The following FBXO32 variants were observed in gnomAD, a reference collection of about 807,000 sequenced individuals.
The protein encoded by FBXO32 is F-box protein 32, also known as F-box only protein 32.
FBXO32 carries 15 observed loss-of-function variants against 48.3 expected under a neutral mutation model. The ratio of observed to expected loss-of-function variants is 0.31; its 90% CI spans 0.21 to 0.48. The LOEUF (loss-of-function observed/expected upper bound fraction) is 0.48, where lower values mean the gene tolerates loss of function less well. Ranked by LOEUF, FBXO32 falls within the 20% of genes least tolerant of loss-of-function variation. The pLI is 0.99. For synonymous variants in FBXO32, 154 were observed against 165.9 expected (o/e 0.93, Z 0.55); for missense variants, 309 against 432.7 (o/e 0.71, Z 2.54).
rs1255391276 is a variant in FBXO32, at chr8:123,506,288, G to A, written c.834+104C>T. On this transcript the variant is annotated intron_variant, in intron 7 of 8. Coordinates refer to ENST00000517956, the MANE Select transcript of FBXO32 (RefSeq NM_058229.4). This position sits in a 1 kb window ranked among gnomAD's most constrained non-coding sequence, Gnocchi z 4.0. Reference sequence around the variant, plus strand: ...TTTTTCAGTCAAACCAGGGAACCTGGAATAGGGGGAACCCAGACCTCAGGC... The same window carrying A: ...TTTTTCAGTCAAACCAGGGAACCTGAAATAGGGGGAACCCAGACCTCAGGC... The A allele has an allele frequency of 9.4e-6, 12 of 1,270,502 alleles. No individual in the cohort carries two copies. The highest frequency in any genetic ancestry group is 1.2e-5 in the Non-Finnish European group (11 of 903,320). The allele number at this position is 1,270,502 out of a possible 1,614,324, so 78.7% of individuals were successfully genotyped here.
intron 1 of FBXO32, among the ~76,000 whole-genome samples, chr8:123,535,249 A>G (rs752657899): frequency 4.7e-5 from 7 of 148,494 alleles, no homozygotes; most frequent in African/African-American, 1.5e-4. Flanking sequence ...GCTTCTTTAG[A>G]AAAAAAAAAA....
chr8:123,503,943 G>C (rs1816554803), intron 8 of FBXO32, among the ~76,000 whole-genome samples: 2 of 152,140 alleles, frequency 1.3e-5, no homozygotes, highest in African/African-American at 4.8e-5. Context: ...CCTGGGTGTG[G>C]TGGCATGTGC....
intron 4 of FBXO32, 44 bp from the exon 5 acceptor site, chr8:123,514,377 A>G: frequency 1.3e-6 from 2 of 1,498,180 alleles, no homozygotes; most frequent in Non-Finnish European, 1.8e-6. Flanking sequence ...GTACAGAGAT[A>G]TTTTTCTCCT....
intron 6 of FBXO32, among the ~76,000 whole-genome samples, chr8:123,508,737 C>T (rs574142993): frequency 2.3e-4 from 35 of 152,218 alleles, no homozygotes; most frequent in Middle Eastern, 3.4e-3. Context: ...ATTTTCTTTT[C>T]GTTTCCAACA....
Position 123,506,393 on chromosome 8 carries a change from T to A in FBXO32, c.833A>T (p.Gln278Leu). ...KLCQYHFSER[Q>L]IRKRLILSDK... ...GAAAGCCCACTGGGCCTTGCTGACC[T>A]GCCGCTCGGAGAAGTGGTACTGGCA... Residue 278 changes from glutamine to leucine, a missense_variant and splice_region_variant, in exon 7 of 9, where the codon CAG becomes CTG. Gln to Leu is a moderately radical substitution (Grantham distance 113). Transcript: ENST00000517956. The surrounding 1 kb of genome is among the most constrained non-coding windows in gnomAD (Gnocchi z 4.0). The A allele has an allele frequency of 6.2e-7, 1 of 1,613,272 alleles. No individual in the cohort carries two copies. Among genetic ancestry groups the A allele is most frequent in the Non-Finnish European group, 8.5e-7 (1 of 1,179,906 alleles).
rs1372198473 is a variant in FBXO32, at chr8:123,501,138, T to C, written c.*2235A>G. 1 of 152,194 alleles carries C rather than the reference T, an allele frequency of 6.6e-6. No individual in the cohort carries two copies. The highest frequency in any genetic ancestry group is 1.9e-4 in the East Asian group (1 of 5,194). The allele number at this position is 152,194 out of a possible 1,614,324, so 9.4% of individuals were successfully genotyped here. A position where few individuals can be genotyped will look rare whatever the true frequency, so the allele number is the denominator to read the frequency against. ...AGCATGAAGGGGCAGAGATCACCAG[T>C]TGGTGGCAACATGTGGAAGGCCATG... On this transcript the variant is annotated 3_prime_UTR_variant, in exon 9 of 9. Transcript: ENST00000517956.
intron 4 of FBXO32, among the ~76,000 whole-genome samples, chr8:123,530,541 C>A (rs1179439951): frequency 6.6e-6 from 1 of 152,168 alleles, no homozygotes; most frequent in Non-Finnish European, 1.5e-5. Context: ...AAATAATAAA[C>A]CAATTAGAAA....
rs1817382519 is a variant in FBXO32 at position 123,540,088 on chromosome 8, C to A, written c.116+811G>T. ...GCCAGACCACAGAGCTCAGGTGAGGCCTCGAATCCAGAGGCTCACCGGGGC... is the reference window on the plus strand; with the variant it reads ...GCCAGACCACAGAGCTCAGGTGAGGACTCGAATCCAGAGGCTCACCGGGGC... On this transcript the variant is annotated intron_variant, in intron 1 of 8. Coordinates refer to ENST00000517956, the MANE Select transcript of FBXO32 (RefSeq NM_058229.4). This position sits in a 1 kb window ranked among gnomAD's most constrained non-coding sequence, Gnocchi z 6.4. Among the ~76,000 whole-genome samples, 1 of 152,208 alleles carries A rather than the reference C, an allele frequency of 6.6e-6. No homozygotes were observed. The highest frequency in any genetic ancestry group is 6.5e-5 in the Admixed American group (1 of 15,292).
chr8:123,536,028 C>CT (rs1338726600), intron 1 of FBXO32, among the ~76,000 whole-genome samples: 2 of 152,116 alleles, frequency 1.3e-5, no homozygotes, highest in Non-Finnish European at 2.9e-5. Context: ...CTTCTAGTAT[C>CT]TTTTTGTTAT....
intron 4 of FBXO32, among the ~76,000 whole-genome samples, chr8:123,523,513 C>T (rs754710891): frequency 6.6e-6 from 1 of 152,014 alleles, no homozygotes; most frequent in Non-Finnish European, 1.5e-5. Flanking sequence ...TCGCTTGAAC[C>T]CAGGAGGCAG....
intron 4 of FBXO32, among the ~76,000 whole-genome samples, chr8:123,530,781 A>AT (rs920495665): frequency 4.8e-5 from 7 of 147,332 alleles, no homozygotes; most frequent in Admixed American, 1.4e-4. Context: ...CACCTGGATA[A>AT]TTTTTTTTTG....
Position 123,525,840 on chromosome 8 carries a change from A to G in FBXO32, c.372+6058T>C, listed in dbSNP as rs2130542325. ...TAAACCACAAAGTAACAGATTTATA[A>G]TTTGCTGGTTGATGGCATCTGGGGA... On this transcript the variant is annotated intron_variant, in intron 4 of 8. Transcript: ENST00000517956. This position sits in a 1 kb window ranked among gnomAD's most constrained non-coding sequence, Gnocchi z 4.3. 6.6e-6 allele frequency among the ~76,000 whole-genome samples: 1 copy of G among 152,278 alleles called. No individual in the cohort carries two copies. The highest frequency in any genetic ancestry group is 1.9e-4 in the East Asian group (1 of 5,186).
At position 123,506,676 on chromosome 8, in the gene FBXO32, G is replaced by A; in HGVS notation, c.652-102C>T. ...GCTGTGCCCGTCCTCCACCCTCAAGGCAGTTTATTGATAAGAGGTCGAAAG... is the reference window on the plus strand; with the variant it reads ...GCTGTGCCCGTCCTCCACCCTCAAGACAGTTTATTGATAAGAGGTCGAAAG... On this transcript the variant is annotated intron_variant, in intron 6 of 8. Transcript: ENST00000517956. This position sits in a 1 kb window ranked among gnomAD's most constrained non-coding sequence, Gnocchi z 4.0. 1 of 972,238 alleles carries A rather than the reference G, an allele frequency of 1.0e-6. No individual in the cohort carries two copies. The highest frequency in any genetic ancestry group is 2.5e-5 in the East Asian group (1 of 40,092). 60.2% of individuals were successfully genotyped at this position (972,238 alleles called of 1,614,324 possible).
rs915732361 is a variant in FBXO32 at position 123,501,109 on chromosome 8, G to A, written c.*2264C>T. ...GGCGACGAGGAGTTTCTACTTTCTT[G>A]ATCAGCATGAAGGGGCAGAGATCAC... On this transcript the variant is annotated 3_prime_UTR_variant, in exon 9 of 9. Transcript: ENST00000517956. The A allele has an allele frequency of 1.3e-5, 2 of 152,188 alleles. No homozygotes were observed. Among genetic ancestry groups the A allele is most frequent in the Non-Finnish European group, 2.9e-5 (2 of 68,044 alleles). 9.4% of individuals were successfully genotyped at this position (152,188 alleles called of 1,614,324 possible). A position where few individuals can be genotyped will look rare whatever the true frequency, so the allele number is the denominator to read the frequency against.
intron 4 of FBXO32, among the ~76,000 whole-genome samples, chr8:123,521,024 C>T (rs1019694829): frequency 9.2e-5 from 14 of 152,218 alleles, no homozygotes; most frequent in Non-Finnish European, 2.1e-4. Context: ...TGGCCTGCCC[C>T]GGGCTCAGAG....
At chr8:123,534,212 G>C (rs1010607088) in intron 2 of FBXO32, among the ~76,000 whole-genome samples, 1 of 150,742 alleles carries the variant, frequency 6.6e-6, no homozygotes, top group Non-Finnish European at 1.5e-5. Flanking sequence ...AAATCAAACA[G>C]ATAACATGAG....
chr8:123,533,946 A>G (rs1458478961), intron 2 of FBXO32, among the ~76,000 whole-genome samples: 1 of 151,978 alleles, frequency 6.6e-6, no homozygotes, highest in Non-Finnish European at 1.5e-5. Context: ...CACAAAAATT[A>G]GCCGGGTATG....
chr8:123,504,078 C>T (rs557214786), intron 8 of FBXO32, among the ~76,000 whole-genome samples: 11 of 130,022 alleles, frequency 8.5e-5, no homozygotes, highest in East Asian at 2.2e-4. Flanking sequence ...AGAGAGACTC[C>T]GTCTCAAAAA....
rs1816407746 is a variant in FBXO32, at chr8:123,498,560, G to GAA, written c.*4811_*4812dup. ...AATCCCCCTTTGCTTAGTAAAAGAT[G>GAA]AAGTTTAGTGGAGAATGAACATCCG... On this transcript the variant is annotated 3_prime_UTR_variant, in exon 9 of 9. Coordinates refer to ENST00000517956, the MANE Select transcript of FBXO32 (RefSeq NM_058229.4). 6.6e-6 allele frequency: 1 copy of GAA among 152,166 alleles called. No individual in the cohort carries two copies. The highest frequency in any genetic ancestry group is 2.4e-5 in the African/African-American group (1 of 41,434). The allele number at this position is 152,166 out of a possible 1,614,324, so 9.4% of individuals were successfully genotyped here. A position where few individuals can be genotyped will look rare whatever the true frequency, so the allele number is the denominator to read the frequency against.
Sources: gnomAD v4.1 joint callset for allele counts (sites outside exome capture counted in the v4.1 genomes callset) on GRCh38, gnomAD v4.1.1 for gene constraint, Gnocchi (gnomAD v3.1) non-coding constraint, MANE v1.5 for transcripts, NCBI Gene and HGNC (gene_info 2026-07-23, HGNC 2026-07-21) for gene names.